BLTP1: variants seen among roughly 807,000 people sequenced by gnomAD.
BLTP1 encodes fragile site-associated protein.
chr4:122,158,361 A>G, the BLTP1 span, among the ~76,000 whole-genome samples: 1 of 152,232 alleles, frequency 6.6e-6, no homozygotes, highest in Non-Finnish European at 1.5e-5. Context: ...AATTACCACT[A>G]AAGTATTACC....
chr4:122,196,911 AAATAATTTTATGTATTTT>A, the BLTP1 span: 4 of 529,886 alleles, frequency 7.5e-6, no homozygotes, highest in Non-Finnish European at 1.2e-5. Context: ...TTTTCCCTTG[AAATAATTTTATGTATTTT>A]ACTATCATCA....
the BLTP1 span, chr4:122,356,782 G>C: frequency 1.3e-6 from 2 of 1,596,592 alleles, no homozygotes; most frequent in Non-Finnish European, 1.7e-6. Flanking sequence ...TTTTCTTTTA[G>C]GCTGCAAGAA....
At chr4:122,243,773 A>T in the BLTP1 span, 1 of 1,384,542 alleles carries the variant, frequency 7.2e-7, no homozygotes, top group South Asian at 2.0e-5. Flanking sequence ...TAATGAATGC[A>T]TGTGTTCACT....
chr4:122,205,536 G>A, the BLTP1 span, among the ~76,000 whole-genome samples: 5 of 146,518 alleles, frequency 3.4e-5, no homozygotes, highest in Non-Finnish European at 6.0e-5. Context: ...TAGTGTCAAA[G>A]TCTGTGCTAT....
chr4:122,301,150 T>G, the BLTP1 span: 1 of 1,086,606 alleles, frequency 9.2e-7, no homozygotes, highest in South Asian at 2.1e-5. Flanking sequence ...CTTTCATATA[T>G]CTGTCTCAGT....
the BLTP1 span, chr4:122,179,780 TCACA>T: frequency 1.2e-5 from 11 of 903,544 alleles, no homozygotes; most frequent in Non-Finnish European, 1.5e-5. Context: ...GCACACACAC[TCACA>T]CAGCCACACA....
chr4:122,187,576 A>C, the BLTP1 span: 1 of 1,484,970 alleles, frequency 6.7e-7, no homozygotes, highest in South Asian at 1.3e-5. Flanking sequence ...TAATTTTTGC[A>C]AATATGATTT....
chr4:122,259,906 C>A, the BLTP1 span: 1 of 939,430 alleles, frequency 1.1e-6, no homozygotes, highest in Non-Finnish European at 1.3e-6. Context: ...TATAGACTCA[C>A]ATTGATACCC....
chr4:122,280,549 A>G, the BLTP1 span, among the ~76,000 whole-genome samples: 54 of 151,752 alleles, frequency 3.6e-4, no homozygotes, highest in Admixed American at 9.9e-4. Flanking sequence ...TGTAATCCCA[A>G]CTACTTGGGA....
the BLTP1 span, chr4:122,246,220 A>G: frequency 1.2e-6 from 2 of 1,608,462 alleles, no homozygotes; most frequent in East Asian, 2.2e-5. Context: ...CTAACCAAGG[A>G]CAAGCACAGA....
At chr4:122,252,516 T>G in the BLTP1 span, among the ~76,000 whole-genome samples, 1 of 152,128 alleles carries the variant, frequency 6.6e-6, no homozygotes, top group Admixed American at 6.5e-5. Context: ...AGTGTGACAG[T>G]ACTCCCCATG....
chr4:122,237,297 C>T, the BLTP1 span: 12 of 985,186 alleles, frequency 1.2e-5, no homozygotes, highest in African/African-American at 1.7e-5. Flanking sequence ...TCCCCCAGCC[C>T]CTCAGTTTAT....
the BLTP1 span, chr4:122,279,756 C>G: frequency 2.5e-6 from 4 of 1,606,046 alleles, no homozygotes; most frequent in Non-Finnish European, 3.4e-6. Context: ...TTTTAATAGT[C>G]TTCTTTCTCT....
chr4:122,290,523 C>T, the BLTP1 span, among the ~76,000 whole-genome samples: 4 of 151,994 alleles, frequency 2.6e-5, no homozygotes, highest in South Asian at 2.1e-4. Flanking sequence ...CATGGTGGCT[C>T]ACGCCTGTAA....
At chr4:122,251,391 G>T in the BLTP1 span, 1 of 901,046 alleles carries the variant, frequency 1.1e-6, no homozygotes, top group Non-Finnish European at 1.3e-6. Context: ...TGGGTATCTA[G>T]TAATCATGGG....
At chr4:122,221,663 C>A in the BLTP1 span, 1 of 243,454 alleles carries the variant, frequency 4.1e-6, no homozygotes, top group Non-Finnish European at 6.6e-6. Context: ...TTTAACTTGC[C>A]ATATTAACCT....
chr4:122,215,273 G>C, the BLTP1 span: 1 of 794,840 alleles, frequency 1.3e-6, no homozygotes. Flanking sequence ...TAGACCCAAG[G>C]GTATCTTTTT....
chr4:122,154,880 A>G, the BLTP1 span: 13 of 835,550 alleles, frequency 1.6e-5, no homozygotes, highest in Admixed American at 1.9e-4. Flanking sequence ...TCAAAAAACA[A>G]AAATTGAGAA....
the BLTP1 span, among the ~76,000 whole-genome samples, chr4:122,358,711 C>T: frequency 3.9e-5 from 6 of 152,070 alleles, no homozygotes; most frequent in African/African-American, 1.2e-4. Flanking sequence ...AAGTTATAAC[C>T]GGAGCTATAT....
Sources: gnomAD v4.1 joint callset for allele counts (sites outside exome capture counted in the v4.1 genomes callset) on GRCh38, gnomAD v4.1.1 for gene constraint, MANE v1.5 for transcripts, NCBI Gene and HGNC (gene_info 2026-07-23, HGNC 2026-07-21) for gene names.